LRRC52: variants seen among roughly 807,000 people sequenced by gnomAD.
LRRC52 encodes leucine rich repeat containing 52.
Under a neutral mutation model 14.7 loss-of-function variants are expected in LRRC52, and 15 were observed. That is an observed-to-expected ratio of 1.02 (90% CI 0.68 to 1.58). The LOEUF is 1.58. LRRC52 is among the 40% of genes most tolerant of loss of function. The probability of loss-of-function intolerance (pLI) is 0.00; values close to 1 mark genes in which losing one functional copy is unlikely to be tolerated. For synonymous variants in LRRC52, 180 were observed against 163.9 expected (o/e 1.10, Z -0.75); for missense variants, 400 against 387.7 (o/e 1.03, Z -0.27).
At chr1:165,550,104 A>G (rs537841462) in intron 1 of LRRC52, among the ~76,000 whole-genome samples, 1 of 152,282 alleles carries the variant, frequency 6.6e-6, no homozygotes, top group South Asian at 2.1e-4. Context: ...AAGTGGGAGG[A>G]CTAATTCCTG....
In LRRC52 at chr1:165,563,845, A is replaced by T. The variant is rs1324598113; in HGVS notation, c.*21A>T. 10 of 1,604,952 alleles carry T rather than the reference A, an allele frequency of 6.2e-6. No homozygotes were observed. The highest frequency in any genetic ancestry group is 8.5e-6 in the Non-Finnish European group (10 of 1,174,192). ...TTTAGTTGCCAGAGACCACTATCTT[A>T]TGTGCCTCCCCCAGGCTCCCTGCTT... On this transcript the variant is annotated 3_prime_UTR_variant, in exon 2 of 2. Transcript: ENST00000294818.
chr1:165,551,490 G>A (rs910806717), intron 1 of LRRC52, among the ~76,000 whole-genome samples: 1 of 152,208 alleles, frequency 6.6e-6, no homozygotes, highest in Non-Finnish European at 1.5e-5. Context: ...ATTTGACAGG[G>A]AACAACCAGA....
At chr1:165,557,073 T>C (rs1189823512) in intron 1 of LRRC52, among the ~76,000 whole-genome samples, 1 of 152,196 alleles carries the variant, frequency 6.6e-6, no homozygotes, top group African/African-American at 2.4e-5. Context: ...GCACTAAGGA[T>C]ACAAGAGTAC....
chr1:165,544,225 C>CGA lies in LRRC52; in HGVS notation c.-72_-71insGA. 2.2e-6 allele frequency: 3 copies of CGA among 1,388,146 alleles called. No homozygotes were observed. Among genetic ancestry groups the CGA allele is most frequent in the South Asian group, 1.4e-5 (1 of 73,556 alleles). 86.0% of individuals were successfully genotyped at this position (1,388,146 alleles called of 1,614,324 possible). A position where few individuals can be genotyped will look rare whatever the true frequency, so the allele number is the denominator to read the frequency against. Reference sequence around the variant, plus strand: ...AGAGCCCCTCCCCCGCCCCACCCCCCCACCGGCAGCCTTCGGATCAGAGGA... The same window carrying CGA: ...AGAGCCCCTCCCCCGCCCCACCCCCCGACACCGGCAGCCTTCGGATCAGAGGA... On this transcript the variant is annotated 5_prime_UTR_variant, in exon 1 of 2. Transcript: ENST00000294818.
rs148736377 is a variant in LRRC52 at position 165,544,473 on chromosome 1, C to T, written c.177C>T (p.Phe59=). The part of the protein sequence containing the change: ...LDIPLNTRRL[F]LNENRITSLP... Reference sequence around the variant, plus strand: ...TACCCCTGAACACCCGGAGGCTGTTCCTGAACGAGAACAGAATCACTAGTT... The same window carrying T: ...TACCCCTGAACACCCGGAGGCTGTTTCTGAACGAGAACAGAATCACTAGTT... The change falls in exon 1 of 2, where the codon TTC becomes TTT. Residue 59 remains phenylalanine (F), a synonymous_variant. Transcript: ENST00000294818. The T allele has an allele frequency of 7.2e-5, 117 of 1,614,148 alleles. No homozygotes were observed. In the African/African-American group the frequency reaches 1.5e-3, roughly 21 times the overall value.
chr1:165,558,087 T>A (rs942992333), intron 1 of LRRC52, among the ~76,000 whole-genome samples: 1 of 152,214 alleles, frequency 6.6e-6, no homozygotes, highest in Non-Finnish European at 1.5e-5. Flanking sequence ...CCTCCTTGGC[T>A]CCTACACTAA....
intron 1 of LRRC52, among the ~76,000 whole-genome samples, chr1:165,553,857 A>G (rs1476977666): frequency 6.6e-6 from 1 of 152,174 alleles, no homozygotes; most frequent in African/African-American, 2.4e-5. Context: ...ACAAAAAATG[A>G]CTATATATCT....
At chr1:165,556,921 A>G (rs1280322397) in intron 1 of LRRC52, among the ~76,000 whole-genome samples, 7 of 152,198 alleles carry the variant, frequency 4.6e-5, no homozygotes, top group Admixed American at 3.3e-4. Flanking sequence ...GACAGAATAT[A>G]TAATAGTGAT....
chr1:165,550,587 A>C (rs989117421), intron 1 of LRRC52, among the ~76,000 whole-genome samples: 1 of 152,230 alleles, frequency 6.6e-6, no homozygotes, highest in Non-Finnish European at 1.5e-5. Flanking sequence ...TATAGAGAAA[A>C]GCCCAGCACA....
intron 1 of LRRC52, among the ~76,000 whole-genome samples, chr1:165,552,747 G>T (rs930369387): frequency 6.6e-6 from 1 of 152,122 alleles, no homozygotes; most frequent in Non-Finnish European, 1.5e-5. Flanking sequence ...CTGATAGACC[G>T]GAAGCTCTAT....
Position 165,547,039 on chromosome 1 carries a change from G to A in LRRC52, c.622+2121G>A, listed in dbSNP as rs576598059. Among the ~76,000 whole-genome samples, 4 of 152,006 alleles carry A rather than the reference G, an allele frequency of 2.6e-5. No individual in the cohort carries two copies. The South Asian group carries it at 6.2e-4, about 24-fold the overall frequency. ...CATCTCCCTCCATTTTTCCACACAT[G>A]GTACCTCATTTCCTTTAGCATGAGT... On this transcript the variant is annotated intron_variant, in intron 1 of 1. Coordinates refer to ENST00000294818, the MANE Select transcript of LRRC52 (RefSeq NM_001005214.4).
At chr1:165,561,772 C>G (rs966505632) in intron 1 of LRRC52, among the ~76,000 whole-genome samples, 2 of 152,254 alleles carry the variant, frequency 1.3e-5, no homozygotes, top group African/African-American at 4.8e-5. Context: ...ACACACTGCA[C>G]ACCATCTTCC....
chr1:165,561,695 G>A (rs1409413), intron 1 of LRRC52, among the ~76,000 whole-genome samples: 19,385 of 152,274 alleles, frequency 0.13, 1,396 homozygotes, highest in South Asian at 0.22. Flanking sequence ...TACAAACAGT[G>A]GATATGACAC....
intron 1 of LRRC52, among the ~76,000 whole-genome samples, chr1:165,552,162 A>G (rs1661145039): frequency 6.6e-6 from 1 of 151,730 alleles, no homozygotes; most frequent in African/African-American, 2.4e-5. Context: ...ACATTTAGGA[A>G]CCCCTGGGTG....
rs1311567777 is a variant in LRRC52 at position 165,544,625 on chromosome 1, C to T, written c.329C>T (p.Ser110Phe). 2.5e-6 allele frequency: 4 copies of T among 1,613,844 alleles called. No homozygotes were observed. The highest frequency in any genetic ancestry group is 3.4e-6 in the Non-Finnish European group (4 of 1,179,986). ...AAACTCATCTACCTTGACCTCAGCT[C>T]CAACAACCTAACCTCGATCTCCCCA... The part of the protein sequence containing the change: ...VFKLIYLDLS[S>F]NNLTSISPFT... Residue 110 changes from serine to phenylalanine, a missense_variant, in exon 1 of 2, where the codon TCC becomes TTC. Coordinates refer to ENST00000294818, the MANE Select transcript of LRRC52 (RefSeq NM_001005214.4).
chr1:165,546,845 A>G (rs1208954428), intron 1 of LRRC52, among the ~76,000 whole-genome samples: 2 of 152,196 alleles, frequency 1.3e-5, no homozygotes, highest in African/African-American at 2.4e-5. Flanking sequence ...GAATGGGATT[A>G]TAAAGTAGAT....
intron 1 of LRRC52, among the ~76,000 whole-genome samples, chr1:165,555,239 T>C (rs929087312): frequency 6.6e-6 from 1 of 151,824 alleles, no homozygotes; most frequent in South Asian, 2.1e-4. Context: ...TCAGGCTCAG[T>C]GGGCCTGCGG....
chr1:165,544,953 G>T (rs370599515), intron 1 of LRRC52, 35 bp downstream of exon 1: 543 of 1,599,642 alleles, frequency 3.4e-4, no homozygotes, highest in Non-Finnish European at 4.2e-4. Flanking sequence ...AAGAGGATGT[G>T]ATTGAAGTGG....
At chr1:165,548,433 G>A (rs1189078339) in intron 1 of LRRC52, among the ~76,000 whole-genome samples, 2 of 152,188 alleles carry the variant, frequency 1.3e-5, no homozygotes, top group Non-Finnish European at 2.9e-5. Context: ...TAGGTCATCT[G>A]TGCCATATCT....
Sources: allele counts gnomAD v4.1 joint callset (sites outside exome capture counted in the v4.1 genomes callset), GRCh38; gene constraint gnomAD v4.1.1; transcripts MANE v1.5; gene names NCBI Gene and HGNC (gene_info 2026-07-23, HGNC 2026-07-21).